CD55: variants seen among roughly 807,000 people sequenced by gnomAD.
CD55 encodes the protein complement decay-accelerating factor.
In CD55, 41 loss-of-function variants were observed where a neutral mutation model predicts 45.8. The ratio of observed to expected loss-of-function variants is 0.90; its 90% CI spans 0.70 to 1.16. The LOEUF (loss-of-function observed/expected upper bound fraction) is 1.16. CD55 is among the 50% of genes most tolerant of loss of function. The pLI, the probability that CD55 is intolerant of heterozygous loss-of-function variation, is 0.00. For missense variants in CD55, 416 were observed against 469.8 expected (o/e 0.89, Z 1.06); for synonymous variants, 181 against 181.1 (o/e 1.00, Z 0.01).
At chr1:207,326,595 TCTTTTC>T (rs1215152258) in intron 4 of CD55, among the ~76,000 whole-genome samples, 151 bp from the exon 5 acceptor site, 3 of 152,256 alleles carry the variant, frequency 2.0e-5, no homozygotes, top group Admixed American at 2.0e-4. Flanking sequence ...ACTTAATTTT[TCTTTTC>T]CTTTAAACTA....
At chr1:207,338,870 C>G (rs544062278) in intron 8 of CD55, among the ~76,000 whole-genome samples, 1 of 152,194 alleles carries the variant, frequency 6.6e-6, no homozygotes, top group Non-Finnish European at 1.5e-5. Flanking sequence ...ATGTGTTCAC[C>G]TCGCTTAGGA....
intron 2 of CD55, among the ~76,000 whole-genome samples, chr1:207,324,047 A>C (rs1654553935): frequency 6.6e-6 from 1 of 152,218 alleles, no homozygotes; most frequent in Non-Finnish European, 1.5e-5. Context: ...TATGTATACA[A>C]TTTGTGGGCA....
At chr1:207,336,517 C>T (rs773340711) in intron 6 of CD55, among the ~76,000 whole-genome samples, 176 bp from the exon 7 acceptor site, 7 of 152,116 alleles carry the variant, frequency 4.6e-5, no homozygotes, top group East Asian at 1.9e-4. Flanking sequence ...TCAAAGCAAA[C>T]GCAACTTAGA....
chr1:207,325,297 C>T lies in CD55; in HGVS notation c.479-325C>T, dbSNP rs532945819. 6.1e-5 allele frequency among the ~76,000 whole-genome samples: 9 copies of T among 146,640 alleles called. No homozygotes were observed. In the East Asian group the frequency reaches 7.9e-4, roughly 13 times the overall value. ...TTGCAGTGAGCTGAGATTATGTCACCGCGCTCCAGCCTGGGCAACAGAGCA... is the reference window on the plus strand; with the variant it reads ...TTGCAGTGAGCTGAGATTATGTCACTGCGCTCCAGCCTGGGCAACAGAGCA... On this transcript the variant is annotated intron_variant, in intron 3 of 9. Transcript: ENST00000367064.
chr1:207,336,191 G>T (rs1655164765), intron 6 of CD55, among the ~76,000 whole-genome samples: 1 of 152,100 alleles, frequency 6.6e-6, no homozygotes, highest in South Asian at 2.1e-4. Context: ...CAGCACAAGA[G>T]AATTAAAAGG....
chr1:207,356,740 A>G (rs369659273), intron 9 of CD55, among the ~76,000 whole-genome samples: 1 of 152,166 alleles, frequency 6.6e-6, no homozygotes, highest in Non-Finnish European at 1.5e-5. Context: ...GCACTCAGAT[A>G]TTAAAACAAC....
chr1:207,332,247 T>G (rs948711248), intron 6 of CD55, among the ~76,000 whole-genome samples: 1 of 152,176 alleles, frequency 6.6e-6, no homozygotes, highest in Non-Finnish European at 1.5e-5. Context: ...GGGTATTCAT[T>G]TATCTAACCA....
chr1:207,353,958 C>T lies in CD55; in HGVS notation c.1082-5588C>T, dbSNP rs757456570. 2.6e-6 allele frequency: 4 copies of T among 1,514,874 alleles called. No individual in the cohort carries two copies. In the South Asian group the frequency reaches 4.8e-5, roughly 18 times the overall value. The allele number at this position is 1,514,874 out of a possible 1,614,324, so 93.8% of individuals were successfully genotyped here. A position where few individuals can be genotyped will look rare whatever the true frequency, so the allele number is the denominator to read the frequency against. ...GATATAAGCAAGAACAAAACCTTTC[C>T]ATAACTTTTTGTTTTCATAGCACAT... On this transcript the variant is annotated intron_variant, in intron 9 of 9. Coordinates refer to ENST00000367064, the MANE Select transcript of CD55 (RefSeq NM_000574.5).
chr1:207,332,778 A>G (rs1655006117), intron 6 of CD55, among the ~76,000 whole-genome samples: 1 of 152,174 alleles, frequency 6.6e-6, no homozygotes, highest in Non-Finnish European at 1.5e-5. Context: ...AGATTACCAA[A>G]AAATTATATT....
At chr1:207,334,372 A>G (rs1039525419) in intron 6 of CD55, among the ~76,000 whole-genome samples, 5 of 152,208 alleles carry the variant, frequency 3.3e-5, no homozygotes, top group Non-Finnish European at 1.5e-5. Context: ...AAACATGCAC[A>G]GAATGAGAAA....
chr1:207,340,373 A>AT lies in CD55; in HGVS notation c.1081+966dup, dbSNP rs762199546. The AT allele has an allele frequency of 3.6e-3, 1,426 of 395,586 alleles. 1 individual carries two copies. Among genetic ancestry groups the AT allele is most frequent in the Middle Eastern group, 5.3e-3 (8 of 1,522 alleles). 24.5% of individuals were successfully genotyped at this position (395,586 alleles called of 1,614,324 possible). On this transcript the variant is annotated intron_variant, in intron 9 of 9. Transcript: ENST00000367064. ...TCTTTCTTTTCTTTTTTTTATTTTT[A>AT]TTTTTTTTTTGAGACAGGTTCTCGT...
At chr1:207,328,225 C>T (rs960688594) in intron 5 of CD55, among the ~76,000 whole-genome samples, 3 of 152,216 alleles carry the variant, frequency 2.0e-5, no homozygotes, top group African/African-American at 7.2e-5. Flanking sequence ...CTTGACTCTT[C>T]TATCCTCTCT....
intron 1 of CD55, 81 bp downstream of exon 1, chr1:207,321,946 C>T: frequency 9.7e-7 from 1 of 1,030,806 alleles, no homozygotes; most frequent in Non-Finnish European, 1.4e-6. Context: ...GCACAGGGGC[C>T]GGCGACTTGG....
At chr1:207,352,483 A>G (rs986317132) in intron 9 of CD55, among the ~76,000 whole-genome samples, 1 of 152,180 alleles carries the variant, frequency 6.6e-6, no homozygotes, top group Non-Finnish European at 1.5e-5. Flanking sequence ...AGACAAAATC[A>G]TATAGAAGAA....
intron 9 of CD55, among the ~76,000 whole-genome samples, chr1:207,355,340 G>A (rs1324774009): frequency 6.7e-6 from 1 of 150,316 alleles, no homozygotes; most frequent in Non-Finnish European, 1.5e-5. Flanking sequence ...GGGTGGTGGT[G>A]GGAGGGGGGC....
At chr1:207,337,038 C>A in intron 7 of CD55, 1 of 627,402 alleles carries the variant, frequency 1.6e-6, no homozygotes, top group Non-Finnish European at 2.8e-6. Context: ...GGAACCCTAC[C>A]AACTCTTCAG....
intron 3 of CD55, 98 bp downstream of exon 3, chr1:207,324,848 T>A: frequency 4.9e-6 from 3 of 607,868 alleles, no homozygotes; most frequent in Admixed American, 3.4e-5. Flanking sequence ...GTATATATTA[T>A]TATATAGGAT....
intron 6 of CD55, among the ~76,000 whole-genome samples, chr1:207,331,990 T>C (rs1045493784): frequency 6.6e-6 from 1 of 152,090 alleles, no homozygotes; most frequent in Non-Finnish European, 1.5e-5. Flanking sequence ...TTTATAATTA[T>C]AATTGAAATT....
intron 9 of CD55, chr1:207,340,477 CA>C (rs1482621532): frequency 4.4e-6 from 3 of 679,722 alleles, no homozygotes; most frequent in Non-Finnish European, 8.0e-6. Flanking sequence ...GCGATCCTTC[CA>C]CTTCAGCCTC....
Sources: allele counts gnomAD v4.1 joint callset (sites outside exome capture counted in the v4.1 genomes callset), GRCh38; gene constraint gnomAD v4.1.1; transcripts MANE v1.5; gene names NCBI Gene and HGNC (gene_info 2026-07-23, HGNC 2026-07-21).